Variants in PRKN observed in about 807,000 individuals in gnomAD.
The protein encoded by PRKN is E3 ubiquitin-protein ligase parkin.
Under a neutral mutation model 59.5 loss-of-function variants are expected in PRKN, and 56 were observed. That is an observed-to-expected ratio of 0.94 (90% CI 0.76 to 1.18). The LOEUF is 1.18. PRKN is among the 50% of genes most tolerant of loss of function. The probability of loss-of-function intolerance (pLI) is 0.00; values close to 1 mark genes in which losing one functional copy is unlikely to be tolerated. For synonymous variants in PRKN, 250 were observed against 222.1 expected (o/e 1.13, Z -1.12); for missense variants, 657 against 596.4 (o/e 1.10, Z -1.06).
rs144774128 is a variant in PRKN, at chr6:162,712,955, C to G, written c.7+14707G>C. Among the ~76,000 whole-genome samples the G allele has an allele frequency of 7.2e-5, 11 of 152,278 alleles. No individual in the cohort carries two copies. The East Asian group carries it at 1.9e-3, about 27-fold the overall frequency. ...CCAGAGTAAAACCCCTCTGAAGGGGCACTATTACCACCACTTCACCACACT... is the reference window on the plus strand; with the variant it reads ...CCAGAGTAAAACCCCTCTGAAGGGGGACTATTACCACCACTTCACCACACT... On this transcript the variant is annotated intron_variant, in intron 1 of 11. Coordinates refer to ENST00000366898, the MANE Select transcript of PRKN (RefSeq NM_004562.3).
At position 161,463,974 on chromosome 6, in the gene PRKN, T is replaced by C. The variant is rs1169548754; in HGVS notation, c.1084-77097A>G. Among the ~76,000 whole-genome samples, 4 of 152,150 alleles carry C rather than the reference T, an allele frequency of 2.6e-5. No individual in the cohort carries two copies. The highest frequency in any genetic ancestry group is 2.6e-4 in the Admixed American group (4 of 15,268). The stretch of plus-strand genomic sequence containing the variant: ...TTTTTGTTTTTGTTTTTGTTTTTGT[T>C]TTTTTGAGAAGGAGTTTCGCTCTTG... On this transcript the variant is annotated intron_variant, in intron 9 of 11. Coordinates refer to ENST00000366898, the MANE Select transcript of PRKN (RefSeq NM_004562.3). The surrounding 1 kb of genome is among the most constrained non-coding windows in gnomAD (Gnocchi z 4.8).
intron 9 of PRKN, among the ~76,000 whole-genome samples, chr6:161,403,916 G>T (rs1218904514): frequency 6.6e-6 from 1 of 152,178 alleles, no homozygotes; most frequent in Admixed American, 6.5e-5. Context: ...GATGATCCTG[G>T]CCAGATGCCA....
At chr6:162,219,328 A>G (rs1777834944) in intron 3 of PRKN, among the ~76,000 whole-genome samples, 1 of 152,096 alleles carries the variant, frequency 6.6e-6, no homozygotes, top group African/African-American at 2.4e-5. Context: ...TGCATAGGTG[A>G]CTCCCTGTCT....
At chr6:161,659,990 C>T (rs1235981051) in intron 7 of PRKN, among the ~76,000 whole-genome samples, 1 of 152,102 alleles carries the variant, frequency 6.6e-6, no homozygotes. Context: ...AGAGTTGCTG[C>T]AACAATTAAA....
At chr6:161,387,579 T>C (rs1297795541) in intron 9 of PRKN, among the ~76,000 whole-genome samples, 1 of 152,250 alleles carries the variant, frequency 6.6e-6, no homozygotes, top group East Asian at 1.9e-4. Context: ...TATTAGAATG[T>C]AAGGAAAAAA....
intron 1 of PRKN, among the ~76,000 whole-genome samples, chr6:162,689,159 T>C (rs1340350848): frequency 1.3e-5 from 2 of 152,352 alleles, no homozygotes; most frequent in East Asian, 1.9e-4. Flanking sequence ...ACTGCTCTCA[T>C]TCCTACAAGG....
At chr6:161,859,573 T>C (rs1452215288) in intron 6 of PRKN, among the ~76,000 whole-genome samples, 4 of 139,046 alleles carry the variant, frequency 2.9e-5, no homozygotes, top group Non-Finnish European at 6.0e-5. Flanking sequence ...ATCATGCCAG[T>C]GTACTCCAGC....
At chr6:162,639,089 T>C (rs1301211171) in intron 1 of PRKN, among the ~76,000 whole-genome samples, 1 of 152,102 alleles carries the variant, frequency 6.6e-6, no homozygotes, top group Non-Finnish European at 1.5e-5. Context: ...CTACTTCACA[T>C]TGCTATAAAC....
chr6:161,374,358 G>A (rs917724357), intron 10 of PRKN, among the ~76,000 whole-genome samples: 5 of 151,636 alleles, frequency 3.3e-5, no homozygotes, highest in South Asian at 2.1e-4. Flanking sequence ...ATATGTGTGC[G>A]CCGTGTGTGT....
intron 5 of PRKN, among the ~76,000 whole-genome samples, chr6:162,037,992 A>G (rs1337549301): frequency 2.7e-5 from 4 of 149,830 alleles, no homozygotes; most frequent in Non-Finnish European, 5.9e-5. Flanking sequence ...CTAGTATGAC[A>G]TTTAAAAATG....
chr6:161,773,384 G>A (rs1263217243), intron 7 of PRKN, among the ~76,000 whole-genome samples: 1 of 152,168 alleles, frequency 6.6e-6, no homozygotes, highest in Non-Finnish European at 1.5e-5. Flanking sequence ...CAAAAATTGT[G>A]CCAACTGCTG....
rs1286550158 is a variant in PRKN, at chr6:161,352,015, T to C, written c.1286-1804A>G. On this transcript the variant is annotated intron_variant, in intron 11 of 11. Coordinates refer to ENST00000366898, the MANE Select transcript of PRKN (RefSeq NM_004562.3). This position sits in a 1 kb window ranked among gnomAD's most constrained non-coding sequence, Gnocchi z 5.8. ...CCTGCTTCAGTCGCTGTGGGGGAAC[T>C]GAAGGGAGGAGGAAGTGATTTGTAT... Among the ~76,000 whole-genome samples, 1 of 152,184 alleles carries C rather than the reference T, an allele frequency of 6.6e-6. No individual in the cohort carries two copies. Among genetic ancestry groups the C allele is most frequent in the Non-Finnish European group, 1.5e-5 (1 of 68,040 alleles).
intron 1 of PRKN, among the ~76,000 whole-genome samples, chr6:162,691,175 A>G (rs771319887): frequency 9.5e-4 from 145 of 152,300 alleles, no homozygotes; most frequent in Non-Finnish European, 1.6e-3. Context: ...ATTTCTTTCA[A>G]CAAATGCCCC....
intron 4 of PRKN, among the ~76,000 whole-genome samples, chr6:162,078,182 T>C (rs79597924): frequency 0.012 from 1,832 of 152,054 alleles, 46 homozygotes; most frequent in African/African-American, 0.042. Context: ...CAACAGATCA[T>C]GGGTTCTCAG....
Position 161,440,012 on chromosome 6 carries a change from G to A in PRKN, c.1084-53135C>T, listed in dbSNP as rs140205553. Among the ~76,000 whole-genome samples, 880 of 151,098 alleles carry A rather than the reference G, an allele frequency of 5.8e-3. 6 individuals carry two copies. The highest frequency in any genetic ancestry group is 0.02 in the African/African-American group (821 of 41,126). On this transcript the variant is annotated intron_variant, in intron 9 of 11. Coordinates refer to ENST00000366898, the MANE Select transcript of PRKN (RefSeq NM_004562.3). The surrounding 1 kb of genome is among the most constrained non-coding windows in gnomAD (Gnocchi z 4.1). ...GCCGCCCAGGCTGGAGTGCAGTGGCGCGATCTCGGCTCACTGCAAGCTCCA... is the reference window on the plus strand; with the variant it reads ...GCCGCCCAGGCTGGAGTGCAGTGGCACGATCTCGGCTCACTGCAAGCTCCA...
chr6:161,439,239 C>A lies in PRKN; in HGVS notation c.1084-52362G>T, dbSNP rs556505209. Among the ~76,000 whole-genome samples the A allele has an allele frequency of 3.3e-5, 5 of 152,272 alleles. No individual in the cohort carries two copies. The East Asian group carries it at 9.6e-4, about 29-fold the overall frequency. On this transcript the variant is annotated intron_variant, in intron 9 of 11. Transcript: ENST00000366898. ...CAATGACTCATTAGTCCCGGGCTCA[C>A]GGCAGATGCGGTCTCCCAACAACTG...
At chr6:162,514,678 C>T (rs989909058) in intron 1 of PRKN, among the ~76,000 whole-genome samples, 1 of 152,094 alleles carries the variant, frequency 6.6e-6, no homozygotes, top group Admixed American at 6.5e-5. Context: ...GCCTATAATC[C>T]CAGCACTTTG....
At chr6:162,668,512 TAAGAGATGAGACGATGAGGAC>T in intron 1 of PRKN, among the ~76,000 whole-genome samples, 1 of 134,692 alleles carries the variant, frequency 7.4e-6, no homozygotes, top group African/African-American at 3.9e-5. Flanking sequence ...ACTGACAGGG[TAAGAGATGAGACGATGAGGAC>T]AGAGGTGCTG....
At chr6:162,051,192 C>T (rs540359091) in intron 5 of PRKN, among the ~76,000 whole-genome samples, 3 of 152,220 alleles carry the variant, frequency 2.0e-5, no homozygotes, top group Admixed American at 6.5e-5. Flanking sequence ...GTCCACACTG[C>T]AGAAGGGATT....
Sources: allele counts gnomAD v4.1 joint callset (sites outside exome capture counted in the v4.1 genomes callset), GRCh38; gene constraint gnomAD v4.1.1; non-coding constraint Gnocchi (gnomAD v3.1); transcripts MANE v1.5; gene names NCBI Gene and HGNC (gene_info 2026-07-23, HGNC 2026-07-21).